The following KIT variants were observed in gnomAD, a reference collection of about 807,000 sequenced individuals.
KIT encodes KIT proto-oncogene, receptor tyrosine kinase.
In KIT, 16 loss-of-function variants were observed where a neutral mutation model predicts 105.7. That is an observed-to-expected ratio of 0.15 (90% CI 0.10 to 0.23). The LOEUF (loss-of-function observed/expected upper bound fraction) is 0.23, where lower values mean the gene tolerates loss of function less well. Ranked by LOEUF, KIT falls within the 10% of genes least tolerant of loss-of-function variation. The pLI is 1.00. For missense variants in KIT, 858 were observed against 1,213.8 expected, an observed-to-expected ratio of 0.71 and a Z score of 4.36; for synonymous variants, 438 against 441.1, an observed-to-expected ratio of 0.99 and a Z score of 0.09.
At chr4:54,719,612 C>T (rs1394268081) in intron 7 of KIT, among the ~76,000 whole-genome samples, 2 of 152,064 alleles carry the variant, frequency 1.3e-5, no homozygotes, top group Non-Finnish European at 2.9e-5. Flanking sequence ...TTATACACCT[C>T]TTAGGCTTAT....
At chr4:54,675,832 G>A (rs966564578) in intron 1 of KIT, among the ~76,000 whole-genome samples, 4 of 152,120 alleles carry the variant, frequency 2.6e-5, no homozygotes, top group Admixed American at 6.6e-5. Context: ...TGTGGGCTCC[G>A]GGCTCTCAGA....
intron 7 of KIT, among the ~76,000 whole-genome samples, chr4:54,717,913 G>A (rs1420921677): frequency 6.6e-6 from 1 of 152,032 alleles, no homozygotes; most frequent in Non-Finnish European, 1.5e-5. Context: ...CCCACGGCTG[G>A]GTGATACAGC....
At chr4:54,675,143 A>G (rs1453067487) in intron 1 of KIT, among the ~76,000 whole-genome samples, 1 of 152,168 alleles carries the variant, frequency 6.6e-6, no homozygotes, top group Non-Finnish European at 1.5e-5. Context: ...TTTTCCTCCA[A>G]TTGGCCATTG....
chr4:54,725,460 G>A (rs536636705), intron 8 of KIT, among the ~76,000 whole-genome samples: 7 of 152,132 alleles, frequency 4.6e-5, no homozygotes, highest in African/African-American at 1.7e-4. Context: ...AACCATTCGT[G>A]TACCCTTTTG....
At chr4:54,674,292 A>G (rs1213889607) in intron 1 of KIT, among the ~76,000 whole-genome samples, 1 of 152,118 alleles carries the variant, frequency 6.6e-6, no homozygotes, top group African/African-American at 2.4e-5. Flanking sequence ...CCACTCCAGA[A>G]CATTCTGGCA....
At chr4:54,688,884 C>T (rs542973045) in intron 1 of KIT, among the ~76,000 whole-genome samples, 4 of 152,204 alleles carry the variant, frequency 2.6e-5, no homozygotes, top group African/African-American at 9.7e-5. Context: ...GCCTAATGGA[C>T]AGCTAGGAGA....
At chr4:54,672,836 A>G (rs1459324268) in intron 1 of KIT, among the ~76,000 whole-genome samples, 1 of 152,162 alleles carries the variant, frequency 6.6e-6, no homozygotes, top group Non-Finnish European at 1.5e-5. Flanking sequence ...CCTCTAATAG[A>G]TGCCTTATGG....
intron 1 of KIT, among the ~76,000 whole-genome samples, chr4:54,661,861 G>A (rs1717297128): frequency 6.6e-6 from 1 of 152,148 alleles, no homozygotes; most frequent in East Asian, 1.9e-4. Context: ...ATTGAGTTGA[G>A]TCGGCTTGGC....
chr4:54,665,369 A>G (rs187926071), intron 1 of KIT, among the ~76,000 whole-genome samples: 196 of 152,226 alleles, frequency 1.3e-3, no homozygotes, highest in Admixed American at 5.4e-3. Context: ...CGTGGAGACT[A>G]TTTAGGAGGG....
intron 1 of KIT, among the ~76,000 whole-genome samples, chr4:54,659,782 A>G (rs1450730792): frequency 2.0e-5 from 3 of 152,228 alleles, no homozygotes; most frequent in Admixed American, 1.3e-4. Flanking sequence ...GAGACTAGAA[A>G]GACCACATCG....
rs2109768296 is a variant in KIT, at chr4:54,725,887, G to A, written c.1377G>A (p.Val459=). 1 of 1,614,062 alleles carries A rather than the reference G, an allele frequency of 6.2e-7. No homozygotes were observed. Among genetic ancestry groups the A allele is most frequent in the Non-Finnish European group, 8.5e-7 (1 of 1,179,992 alleles). The change falls in exon 9 of 21, where the codon GTG becomes GTA. Residue 459 remains valine (V), a synonymous_variant. Coordinates refer to ENST00000288135, the MANE Select transcript of KIT (RefSeq NM_000222.3). The part of the protein sequence containing the change: ...RCSASVLPVD[V]QTLNSSGPPF... Reference sequence around the variant, plus strand: ...CTGCTTCTGTACTGCCAGTGGATGTGCAGACACTAAACTCATCTGGGCCAC... The same window carrying A: ...CTGCTTCTGTACTGCCAGTGGATGTACAGACACTAAACTCATCTGGGCCAC...
At chr4:54,713,298 G>A (rs1721274066) in intron 7 of KIT, among the ~76,000 whole-genome samples, 1 of 151,438 alleles carries the variant, frequency 6.6e-6, no homozygotes, top group Non-Finnish European at 1.5e-5. Flanking sequence ...AGTTCATTCT[G>A]TCATTCTCAT....
intron 6 of KIT, among the ~76,000 whole-genome samples, chr4:54,708,975 G>T (rs1720966253): frequency 3.9e-5 from 6 of 152,184 alleles, no homozygotes; most frequent in Admixed American, 2.6e-4. Context: ...AGGAAGGTGA[G>T]CAGTGTGGAC....
intron 5 of KIT, among the ~76,000 whole-genome samples, chr4:54,704,227 A>G (rs957645656): frequency 2.6e-5 from 4 of 152,258 alleles, no homozygotes; most frequent in African/African-American, 9.6e-5. Flanking sequence ...AAATGGATGT[A>G]GAATTTATCA....
At chr4:54,730,494 A>C (rs1265041877) in intron 14 of KIT, among the ~76,000 whole-genome samples, 1 of 152,058 alleles carries the variant, frequency 6.6e-6, no homozygotes. Context: ...TAATCCTATA[A>C]ACTTGAGTAG....
Position 54,739,615 on chromosome 4 carries a change from G to A in KIT, c.*1058G>A. ...TAGCAGGAAATAAAGTATAGGTTTA[G>A]CCTCCTTCGCAGGCATGTCCTGGAC... On this transcript the variant is annotated 3_prime_UTR_variant, in exon 21 of 21. Transcript: ENST00000288135. 1 of 233,558 alleles carries A rather than the reference G, an allele frequency of 4.3e-6. No homozygotes were observed. The highest frequency in any genetic ancestry group is 8.5e-6 in the Non-Finnish European group (1 of 117,968). The allele number at this position is 233,558 out of a possible 1,614,324, so 14.5% of individuals were successfully genotyped here. A position where few individuals can be genotyped will look rare whatever the true frequency, so the allele number is the denominator to read the frequency against.
intron 1 of KIT, among the ~76,000 whole-genome samples, chr4:54,686,538 C>T (rs936675659): frequency 2.6e-5 from 4 of 152,074 alleles, no homozygotes; most frequent in Non-Finnish European, 5.9e-5. Flanking sequence ...CATGACTAAA[C>T]CTGAGTAGGT....
chr4:54,676,029 C>T (rs934658790), intron 1 of KIT, among the ~76,000 whole-genome samples: 3 of 152,108 alleles, frequency 2.0e-5, no homozygotes, highest in Non-Finnish European at 4.4e-5. Context: ...AGTGCTAGGC[C>T]GATTTCTAGG....
chr4:54,707,723 T>A (rs1295766956), intron 6 of KIT, among the ~76,000 whole-genome samples: 1 of 152,220 alleles, frequency 6.6e-6, no homozygotes, highest in Non-Finnish European at 1.5e-5. Context: ...TCTCATTTGA[T>A]CCTCAAAACA....
Sources: allele counts gnomAD v4.1 joint callset (sites outside exome capture counted in the v4.1 genomes callset), GRCh38; gene constraint gnomAD v4.1.1; transcripts MANE v1.5; gene names NCBI Gene and HGNC (gene_info 2026-07-23, HGNC 2026-07-21).